Variants in NUCB2 observed in about 807,000 individuals in gnomAD.
NUCB2 encodes nucleobindin-2.
A neutral mutation model predicts 57.9 loss-of-function variants in NUCB2; 48 were observed. That is an observed-to-expected ratio of 0.83 (90% confidence interval 0.66 to 1.05). The LOEUF (loss-of-function observed/expected upper bound fraction) is 1.05. Ranked by LOEUF, NUCB2 falls within the 50% of genes least tolerant of loss-of-function variation. NUCB2 has a pLI of 0.00. For missense variants in NUCB2, 442 were observed against 476.2 expected (o/e 0.93, Z 0.67); for synonymous variants, 139 against 152.1 (o/e 0.91, Z 0.64).
chr11:17,293,353 T>C (rs548907612), intron 2 of NUCB2, among the ~76,000 whole-genome samples: 152 of 151,914 alleles, frequency 1.0e-3, no homozygotes, highest in African/African-American at 3.5e-3. Context: ...TTCTTATTTA[T>C]GGTAGTCTTG....
At chr11:17,310,739 A>G in intron 6 of NUCB2, 86 bp from the exon 7 acceptor site, 1 of 1,035,314 alleles carries the variant, frequency 9.7e-7, no homozygotes, top group South Asian at 1.5e-5. Flanking sequence ...ACTTCTGTTC[A>G]AGAGTATGCT....
intron 2 of NUCB2, among the ~76,000 whole-genome samples, chr11:17,341,132 A>G (rs1006695318): frequency 5.3e-5 from 8 of 152,306 alleles, no homozygotes; most frequent in South Asian, 4.1e-4. Flanking sequence ...TTATTGGTGT[A>G]TAAGAATGCT....
At chr11:17,335,961 A>G (rs1471961503), downstream of NUCB2, among the ~76,000 whole-genome samples, 3 of 152,230 alleles carry the variant, frequency 2.0e-5, no homozygotes, top group Non-Finnish European at 4.4e-5. Flanking sequence ...TGTTTCACAT[A>G]TGAATTTTCA....
At chr11:17,288,699 C>T (rs1332988587) in intron 2 of NUCB2, among the ~76,000 whole-genome samples, 5 of 151,086 alleles carry the variant, frequency 3.3e-5, no homozygotes, top group Middle Eastern at 3.4e-3. Context: ...GGACTACAGG[C>T]ATGCGCCACC....
intron 10 of NUCB2, among the ~76,000 whole-genome samples, chr11:17,314,849 T>C (rs780355686): frequency 6.6e-6 from 1 of 152,212 alleles, no homozygotes; most frequent in Non-Finnish European, 1.5e-5. Flanking sequence ...GATTACACCT[T>C]TGTAACGAAA....
chr11:17,295,349 A>G lies in NUCB2; in HGVS notation c.26A>G (p.Gln9Arg). 6.2e-7 allele frequency: 1 copy of G among 1,611,896 alleles called. No homozygotes were observed. Among genetic ancestry groups the G allele is most frequent in the Non-Finnish European group, 8.5e-7 (1 of 1,178,754 alleles). MRWRTILL[Q>R]YCFLLITCLL... is the part of the protein sequence containing the mutation. ...ATGAGGTGGAGGACCATCCTGCTAC[A>G]GTATTGCTTTCTCTTGATTACATGT... is the stretch of plus-strand genomic sequence containing the variant. The change falls in exon 3 of 14, where the codon CAG becomes CGG. Residue 9 changes from glutamine to arginine, a missense_variant. Coordinates refer to ENST00000529010, the MANE Select transcript of NUCB2 (RefSeq NM_005013.4).
chr11:17,336,124 G>A (rs1000618509), downstream of NUCB2, among the ~76,000 whole-genome samples: 1 of 151,818 alleles, frequency 6.6e-6, no homozygotes, highest in East Asian at 2.0e-4. Flanking sequence ...TTTATTTTTA[G>A]TAGAGTCAGG....
chr11:17,285,986 T>A (rs1411259412), intron 2 of NUCB2, among the ~76,000 whole-genome samples: 2 of 151,644 alleles, frequency 1.3e-5, no homozygotes, highest in African/African-American at 4.8e-5. Context: ...TTAATCTGTA[T>A]AACTATGGGT....
intron 11 of NUCB2, among the ~76,000 whole-genome samples, chr11:17,324,263 G>A (rs1950380122): frequency 6.6e-6 from 1 of 151,936 alleles, no homozygotes; most frequent in African/African-American, 2.4e-5. Context: ...ATTATCATTT[G>A]TTTCAAGAAA....
chr11:17,331,109 G>A, intron 13 of NUCB2, 126 bp downstream of exon 13: 1 of 765,470 alleles, frequency 1.3e-6, no homozygotes, highest in South Asian at 2.1e-5. Context: ...ATTTTTTGTG[G>A]TATTAGAGCA....
intron 11 of NUCB2, among the ~76,000 whole-genome samples, chr11:17,325,267 A>G (rs908796327): frequency 4.6e-5 from 7 of 152,200 alleles, no homozygotes; most frequent in African/African-American, 1.7e-4. Flanking sequence ...GATCTGTCTA[A>G]TGCTGAAAGT....
At chr11:17,309,544 C>A in intron 5 of NUCB2, 28 bp from the exon 6 acceptor site, 3 of 1,208,426 alleles carry the variant, frequency 2.5e-6, no homozygotes, top group South Asian at 2.7e-5. Context: ...AGAAATTGAT[C>A]ATTTACAGTT....
chr11:17,312,020 CT>C lies in NUCB2; in HGVS notation c.820-3del. The C allele has an allele frequency of 6.4e-7, 1 of 1,561,648 alleles. No individual in the cohort carries two copies. The highest frequency in any genetic ancestry group is 8.7e-7 in the Non-Finnish European group (1 of 1,154,902). Reference sequence around the variant, plus strand: ...CCTTTCATGTTCATTTAAAATTTTTCTTTTTAGTTGGAGAAAGTATATGACC... The same window carrying C: ...CCTTTCATGTTCATTTAAAATTTTTCTTTTAGTTGGAGAAAGTATATGACC... On this transcript the variant is annotated splice_region_variant and splice_polypyrimidine_tract_variant and intron_variant, in intron 9 of 13. Coordinates refer to ENST00000529010, the MANE Select transcript of NUCB2 (RefSeq NM_005013.4).
chr11:17,337,121 T>C (rs1951883715), downstream of NUCB2, among the ~76,000 whole-genome samples: 2 of 151,970 alleles, frequency 1.3e-5, no homozygotes, highest in African/African-American at 4.8e-5. Context: ...TTAAATTTGT[T>C]GTAGAGATGG....
At chr11:17,315,304 A>G in intron 10 of NUCB2, 82 bp from the exon 11 acceptor site, 2 of 635,646 alleles carry the variant, frequency 3.1e-6, no homozygotes, top group Non-Finnish European at 5.2e-6. Flanking sequence ...ATGTAGTGGC[A>G]TCTATTACAA....
At chr11:17,320,075 T>C (rs1949814916) in intron 11 of NUCB2, among the ~76,000 whole-genome samples, 1 of 92,660 alleles carries the variant, frequency 1.1e-5, no homozygotes, top group Non-Finnish European at 2.9e-5. Context: ...GATCTCGTTC[T>C]TTTTTTATGG....
At chr11:17,331,093 T>C in intron 13 of NUCB2, 110 bp downstream of exon 13, 1 of 879,858 alleles carries the variant, frequency 1.1e-6, no homozygotes, top group African/African-American at 1.7e-5. Flanking sequence ...ATGTTATTTT[T>C]TGTGTATTTT....
exon 3 of NUCB2, chr11:17,349,882 G>T (rs1465417514): frequency 1.3e-5 from 2 of 152,176 alleles, no homozygotes. Context: ...GATGCAATGT[G>T]TCATAAAAAT....
intron 1 of NUCB2, among the ~76,000 whole-genome samples, chr11:17,281,079 G>T (rs937538689): frequency 6.6e-6 from 1 of 152,076 alleles, no homozygotes. Context: ...TTTTAAAGTT[G>T]TATGTCAAAC....
Sources: allele counts gnomAD v4.1 joint callset (sites outside exome capture counted in the v4.1 genomes callset), GRCh38; gene constraint gnomAD v4.1.1; transcripts MANE v1.5; gene names NCBI Gene and HGNC (gene_info 2026-07-23, HGNC 2026-07-21).